The following RAD51D variants were observed in gnomAD, a reference collection of about 807,000 sequenced individuals.
The protein encoded by RAD51D is RAD51 paralog D, also known as DNA repair protein RAD51 homolog 4.
Under a neutral mutation model 44.1 loss-of-function variants are expected in RAD51D, and 38 were observed. The observed-to-expected ratio is 0.86, with a 90% confidence interval of 0.67 to 1.13. The LOEUF (loss-of-function observed/expected upper bound fraction) is 1.13, where lower values mean the gene tolerates loss of function less well. Ranked by LOEUF, RAD51D falls within the 50% of genes most tolerant of loss-of-function variation. The pLI is 0.00. For synonymous variants in RAD51D, 141 were observed against 166.6 expected, an observed-to-expected ratio of 0.85 and a Z score of 1.18; for missense variants, 390 against 414.0, an observed-to-expected ratio of 0.94 and a Z score of 0.50.
rs918947511 is a variant in RAD51D at position 35,107,362 on chromosome 17, G to A, written c.345+4C>T. On this transcript the variant is annotated splice_donor_region_variant and intron_variant, in intron 4 of 9. Coordinates refer to ENST00000345365, the MANE Select transcript of RAD51D (RefSeq NM_002878.4). Reference sequence around the variant, plus strand: ...ATCCTCCTGACTGCTGGCCTCACATGTACCTGAGTTTTGCCGCTACCTGGG... The same window carrying A: ...ATCCTCCTGACTGCTGGCCTCACATATACCTGAGTTTTGCCGCTACCTGGG... The A allele has an allele frequency of 1.3e-6, 2 of 1,542,380 alleles. No homozygotes were observed. Among genetic ancestry groups the A allele is most frequent in the Admixed American group, 1.7e-5 (1 of 59,872 alleles).
chr17:35,109,235 TTC>T (rs1367993777), intron 3 of RAD51D, among the ~76,000 whole-genome samples: 2 of 152,238 alleles, frequency 1.3e-5, no homozygotes, highest in Non-Finnish European at 2.9e-5. Context: ...ATATGGATAG[TTC>T]ATTCCTTTTT....
rs1474938268 is a variant in RAD51D, at chr17:35,106,403, C to T, written c.559G>A (p.Gly187Ser). 6.2e-7 allele frequency: 1 copy of T among 1,613,152 alleles called. No homozygotes were observed. Among genetic ancestry groups the T allele is most frequent in the Non-Finnish European group, 8.5e-7 (1 of 1,179,606 alleles). ...AGGCTCACCTGCTGGGCCACAGTGC[C>T]TCGGAGCTCCTGCAGCACATCCAGC... ...QMLDVLQELR[G>S]TVAQQVTGSS... The change falls in exon 6 of 10, where the codon GGC becomes AGC. Residue 187 changes from glycine (G) to serine (S), a missense_variant. Transcript: ENST00000345365.
chr17:35,108,366 C>A (rs1307921822), intron 3 of RAD51D, among the ~76,000 whole-genome samples: 1 of 151,964 alleles, frequency 6.6e-6, no homozygotes, highest in Admixed American at 6.6e-5. Flanking sequence ...ATAATAACAA[C>A]TGTACTACAA....
At chr17:35,115,061 G>A (rs754700405) in intron 3 of RAD51D, among the ~76,000 whole-genome samples, 2 of 152,014 alleles carry the variant, frequency 1.3e-5, no homozygotes, top group Non-Finnish European at 2.9e-5. Context: ...GTGCCTCTCC[G>A]ACTGCCCAGA....
chr17:35,115,866 C>CA lies in RAD51D; in HGVS notation c.263+2634dup, dbSNP rs1221042973. Among the ~76,000 whole-genome samples the CA allele has an allele frequency of 3.9e-5, 5 of 127,380 alleles. No homozygotes were observed. In the East Asian group the frequency reaches 9.7e-4, roughly 25 times the overall value. The allele number at this position is 127,380 out of a possible 152,430, so 83.6% of individuals were successfully genotyped here. ...GCCTGGCAACAGAGTGAAACTCCGT[C>CA]AAAAAAAAGAAAGAAAGAAGGAAAG... On this transcript the variant is annotated intron_variant, in intron 3 of 9. Coordinates refer to ENST00000345365, the MANE Select transcript of RAD51D (RefSeq NM_002878.4).
chr17:35,099,851 G>T lies in RAD51D; in HGVS notation c.*1102C>A, dbSNP rs139187992. On this transcript the variant is annotated 3_prime_UTR_variant, in exon 10 of 10. Coordinates refer to ENST00000345365, the MANE Select transcript of RAD51D (RefSeq NM_002878.4). Reference sequence around the variant, plus strand: ...GTGTCTTCGTCCCCTCCCAGCCAGGGTCATGGCTCTCAGACGGATGGCCAC... The same window carrying T: ...GTGTCTTCGTCCCCTCCCAGCCAGGTTCATGGCTCTCAGACGGATGGCCAC... The T allele has an allele frequency of 4.1e-4, 211 of 509,822 alleles. 2 individuals carry two copies. Among genetic ancestry groups the T allele is most frequent in the South Asian group, 2.6e-3 (168 of 64,970 alleles). 31.6% of individuals were successfully genotyped at this position (509,822 alleles called of 1,614,324 possible).
At chr17:35,102,687 A>G (rs1262068703) in intron 8 of RAD51D, among the ~76,000 whole-genome samples, 1 of 152,164 alleles carries the variant, frequency 6.6e-6, no homozygotes, top group Admixed American at 6.5e-5. Flanking sequence ...ATATGCAGAA[A>G]AAGTATTGTA....
At chr17:35,110,513 C>T (rs1230265724) in intron 3 of RAD51D, among the ~76,000 whole-genome samples, 1 of 152,108 alleles carries the variant, frequency 6.6e-6, no homozygotes, top group Non-Finnish European at 1.5e-5. Context: ...AGATTTTCTC[C>T]TGTTTTGTTC....
At chr17:35,108,745 TC>T (rs1326346492) in intron 3 of RAD51D, among the ~76,000 whole-genome samples, 1 of 152,036 alleles carries the variant, frequency 6.6e-6, no homozygotes, top group Non-Finnish European at 1.5e-5. Flanking sequence ...GCCACATTCC[TC>T]CCATTCACCC....
At position 35,102,431 on chromosome 17, in the gene RAD51D, G is replaced by A. The variant is rs541729484; in HGVS notation, c.738+823C>T. Among the ~76,000 whole-genome samples, 14 of 130,566 alleles carry A rather than the reference G, an allele frequency of 1.1e-4. No individual in the cohort carries two copies. The South Asian group carries it at 1.6e-3, about 15-fold the overall frequency. 85.7% of individuals were successfully genotyped at this position (130,566 alleles called of 152,430 possible). On this transcript the variant is annotated intron_variant, in intron 8 of 9. Transcript: ENST00000345365. ...GCTGGGATTACACGCATAAACCAGC[G>A]CACCTGGCCTATTTTTTTTTATTTT...
chr17:35,105,942 T>C (rs2091597097), intron 6 of RAD51D, among the ~76,000 whole-genome samples: 1 of 152,164 alleles, frequency 6.6e-6, no homozygotes, highest in Admixed American at 6.5e-5. Context: ...ACAAGATGCT[T>C]GGAGCTTTGG....
Position 35,103,217 on chromosome 17 carries a change from T to C in RAD51D, c.738+37A>G, listed in dbSNP as rs2091559116. On this transcript the variant is annotated intron_variant, in intron 8 of 9. Coordinates refer to ENST00000345365, the MANE Select transcript of RAD51D (RefSeq NM_002878.4). This position sits in a 1 kb window ranked among gnomAD's most constrained non-coding sequence, Gnocchi z 4.1. ...AGGGAAATAAAGAGCTCGCAATAAC[T>C]AGAAATCAAGTTCATTGGCCAAGCC... 1 of 1,573,954 alleles carries C rather than the reference T, an allele frequency of 6.4e-7. No homozygotes were observed. The highest frequency in any genetic ancestry group is 1.3e-5 in the African/African-American group (1 of 74,240).
At chr17:35,112,570 G>A (rs1567731480) in intron 3 of RAD51D, among the ~76,000 whole-genome samples, 2 of 152,068 alleles carry the variant, frequency 1.3e-5, no homozygotes, top group African/African-American at 2.4e-5. Flanking sequence ...TAAAGACCAG[G>A]TTTCATCATA....
intron 3 of RAD51D, among the ~76,000 whole-genome samples, chr17:35,114,089 G>C (rs2091708716): frequency 6.6e-6 from 1 of 152,004 alleles, no homozygotes; most frequent in Non-Finnish European, 1.5e-5. Flanking sequence ...CGGCTAACAC[G>C]GTGAAACTCC....
At position 35,096,096 on chromosome 17, in the gene RAD51D, G is replaced by GT. The variant is rs1255757047; in HGVS notation, c.*4856dup. On this transcript the variant is annotated 3_prime_UTR_variant, in exon 10 of 10. Coordinates refer to ENST00000345365, the MANE Select transcript of RAD51D (RefSeq NM_002878.4). ...TCTGGAATTCTCTGAACCTGTCCTG[G>GT]TTCTGAGGGCAGCCCAATTCTAGAA... 3 of 152,156 alleles carry GT rather than the reference G, an allele frequency of 2.0e-5. No individual in the cohort carries two copies. The highest frequency in any genetic ancestry group is 2.9e-5 in the Non-Finnish European group (2 of 68,024). The allele number at this position is 152,156 out of a possible 1,614,324, so 9.4% of individuals were successfully genotyped here. A position where few individuals can be genotyped will look rare whatever the true frequency, so the allele number is the denominator to read the frequency against.
At chr17:35,114,152 G>C (rs1330775633) in intron 3 of RAD51D, among the ~76,000 whole-genome samples, 1 of 152,084 alleles carries the variant, frequency 6.6e-6, no homozygotes, top group Non-Finnish European at 1.5e-5. Context: ...GGCGCCTGTA[G>C]TCCCAGCTAC....
intron 8 of RAD51D, among the ~76,000 whole-genome samples, chr17:35,102,742 A>C (rs1199409165): frequency 6.6e-6 from 1 of 152,220 alleles, no homozygotes; most frequent in Non-Finnish European, 1.5e-5. Context: ...GGATGTGGAG[A>C]TTGATGACAA....
intron 2 of RAD51D, among the ~76,000 whole-genome samples, chr17:35,118,847 A>T (rs1487599873): frequency 6.6e-6 from 1 of 152,086 alleles, no homozygotes; most frequent in Admixed American, 6.5e-5. Flanking sequence ...GGCTCAAATG[A>T]TTCTCCTTCC....
At position 35,100,024 on chromosome 17, in the gene RAD51D, T is replaced by A. The variant is rs1422061440; in HGVS notation, c.*929A>T. Reference sequence around the variant, plus strand: ...AGGACTAGATTTGCCATGTATTATTTACGTCAGCATCAATTTTCCCAGCTG... The same window carrying A: ...AGGACTAGATTTGCCATGTATTATTAACGTCAGCATCAATTTTCCCAGCTG... On this transcript the variant is annotated 3_prime_UTR_variant, in exon 10 of 10. Transcript: ENST00000345365. The A allele has an allele frequency of 1.9e-6, 1 of 531,542 alleles. No individual in the cohort carries two copies. The highest frequency in any genetic ancestry group is 2.2e-5 in the Admixed American group (1 of 44,942). The allele number at this position is 531,542 out of a possible 1,614,324, so 32.9% of individuals were successfully genotyped here. A position where few individuals can be genotyped will look rare whatever the true frequency, so the allele number is the denominator to read the frequency against.
Sources: gnomAD v4.1 joint callset for allele counts (sites outside exome capture counted in the v4.1 genomes callset) on GRCh38, gnomAD v4.1.1 for gene constraint, Gnocchi (gnomAD v3.1) non-coding constraint, MANE v1.5 for transcripts, NCBI Gene and HGNC (gene_info 2026-07-23, HGNC 2026-07-21) for gene names.